Variants in EFHD1 observed in about 807,000 individuals in gnomAD.
The protein encoded by EFHD1 is EF-hand domain-containing protein D1.
A neutral mutation model predicts 17.2 loss-of-function variants in EFHD1; 10 were observed. The ratio of observed to expected loss-of-function variants is 0.58; its 90% CI spans 0.36 to 0.99. The LOEUF (loss-of-function observed/expected upper bound fraction) is 0.99, where lower values mean the gene tolerates loss of function less well. Among genes scored for constraint, EFHD1 ranks in the 50% least tolerant of loss-of-function variants. The probability of loss-of-function intolerance (pLI) is 0.01; values close to 1 mark genes in which losing one functional copy is unlikely to be tolerated. For synonymous variants in EFHD1, 153 were observed against 142.0 expected (o/e 1.08, Z -0.55); for missense variants, 310 against 327.5 (o/e 0.95, Z 0.41).
intron 1 of EFHD1, among the ~76,000 whole-genome samples, chr2:232,655,932 G>A (rs763288875): frequency 3.3e-5 from 5 of 150,682 alleles, no homozygotes; most frequent in Admixed American, 6.7e-5. Context: ...TCAGCTTCCC[G>A]AGTAGCTGGG....
chr2:232,660,361 A>G (rs1382266450), intron 1 of EFHD1, among the ~76,000 whole-genome samples: 2 of 151,446 alleles, frequency 1.3e-5, no homozygotes, highest in East Asian at 3.9e-4. Context: ...CGCCCGGCTC[A>G]TTTTTTGTAT....
chr2:232,619,331 A>G (rs1333220817), intron 1 of EFHD1, among the ~76,000 whole-genome samples: 30 of 140,068 alleles, frequency 2.1e-4, no homozygotes, highest in Admixed American at 1.3e-3. Flanking sequence ...TTTTTTTGAG[A>G]TGAAGTCTCG....
intron 1 of EFHD1, among the ~76,000 whole-genome samples, chr2:232,608,989 TTGAA>T (rs1378960876): frequency 2.0e-5 from 3 of 151,786 alleles, no homozygotes; most frequent in Non-Finnish European, 2.9e-5. Context: ...CACAATACAT[TTGAA>T]TGGATGAATC....
At chr2:232,666,287 C>T (rs1444317689) in intron 2 of EFHD1, among the ~76,000 whole-genome samples, 1 of 152,212 alleles carries the variant, frequency 6.6e-6, no homozygotes, top group Non-Finnish European at 1.5e-5. Flanking sequence ...CTGTGGCCTC[C>T]GTGCCACTTG....
rs550137797 is a variant in EFHD1, at chr2:232,637,642, C to T, written c.302+3636C>T. Among the ~76,000 whole-genome samples, 7 of 152,228 alleles carry T rather than the reference C, an allele frequency of 4.6e-5. 1 individual carries two copies. The South Asian group carries it at 1.5e-3, about 32-fold the overall frequency. ...TACAGGCGTGAGCCACCGCGCCTGGCTTAAGAATTTCACTTTTAAGCAGTT... is the reference window on the plus strand; with the variant it reads ...TACAGGCGTGAGCCACCGCGCCTGGTTTAAGAATTTCACTTTTAAGCAGTT... On this transcript the variant is annotated intron_variant, in intron 1 of 3. Coordinates refer to ENST00000264059, the MANE Select transcript of EFHD1 (RefSeq NM_025202.4).
At chr2:232,628,670 A>G (rs79385064), upstream of EFHD1, among the ~76,000 whole-genome samples, 2 of 152,138 alleles carry the variant, frequency 1.3e-5, no homozygotes, top group Non-Finnish European at 2.9e-5. Context: ...TCAATTCCGC[A>G]GGGATTTGAG....
At chr2:232,653,700 G>A (rs538088797) in intron 1 of EFHD1, among the ~76,000 whole-genome samples, 3 of 152,320 alleles carry the variant, frequency 2.0e-5, no homozygotes, top group South Asian at 2.1e-4. Flanking sequence ...TGAAGGGGGT[G>A]GTTGGCTCAG....
rs2106193128 is a variant in EFHD1 at position 232,633,806 on chromosome 2, G to GGAGCCCAAGCCCGAGCCC, written c.108_125dup (p.Lys37_Pro42dup). 2 of 1,459,710 alleles carry GGAGCCCAAGCCCGAGCCC rather than the reference G, an allele frequency of 1.4e-6. No individual in the cohort carries two copies. Among genetic ancestry groups the GGAGCCCAAGCCCGAGCCC allele is most frequent in the East Asian group, 6.0e-5 (2 of 33,370 alleles). The allele number at this position is 1,459,710 out of a possible 1,614,324, so 90.4% of individuals were successfully genotyped here. A position where few individuals can be genotyped will look rare whatever the true frequency, so the allele number is the denominator to read the frequency against. On this transcript the variant is annotated inframe_insertion, in exon 1 of 4. Transcript: ENST00000264059. ...TGGCTCCCCTCGGCGCCCCAGCCCC[G>GGAGCCCAAGCCCGAGCCC]GAGCCCAAGCCCGAGCCCGAGCCTC...
At chr2:232,672,524 C>T in intron 3 of EFHD1, 81 bp downstream of exon 3, 1 of 1,515,130 alleles carries the variant, frequency 6.6e-7, no homozygotes, top group Non-Finnish European at 8.8e-7. Flanking sequence ...TCATTTTCAT[C>T]TCAGCAGAGC....
chr2:232,610,954 A>G (rs1304488855), intron 1 of EFHD1: 2 of 152,356 alleles, frequency 1.3e-5, no homozygotes, highest in Non-Finnish European at 2.9e-5. Context: ...AGGCGGAAAG[A>G]TCGCTTGAGG....
Position 232,633,891 on chromosome 2 carries a change from C to A in EFHD1, c.187C>A (p.Leu63Met). 2 of 1,560,718 alleles carry A rather than the reference C, an allele frequency of 1.3e-6. No individual in the cohort carries two copies. Among genetic ancestry groups the A allele is most frequent in the Non-Finnish European group, 8.6e-7 (1 of 1,163,888 alleles). ...GCTGAGCGCCCAGCTGAGCCGGCGG[C>A]TGGACATCAACGAGGGCGCTGCGCG... is the stretch of plus-strand genomic sequence containing the variant. The part of the protein sequence containing the change: ...AELSAQLSRR[L>M]DINEGAARPR... The change falls in exon 1 of 4, where the codon CTG becomes ATG. Residue 63 changes from leucine to methionine, a missense_variant. Coordinates refer to ENST00000264059, the MANE Select transcript of EFHD1 (RefSeq NM_025202.4).
At chr2:232,613,201 A>G (rs900641774) in intron 1 of EFHD1, among the ~76,000 whole-genome samples, 1 of 152,090 alleles carries the variant, frequency 6.6e-6, no homozygotes. Flanking sequence ...ACGTGGGTGG[A>G]TCACTTGAGC....
chr2:232,619,691 G>A (rs573502412), intron 1 of EFHD1, among the ~76,000 whole-genome samples: 17 of 152,208 alleles, frequency 1.1e-4, no homozygotes, highest in Admixed American at 2.0e-4. Context: ...TGGTGGTTGC[G>A]CAACACTAGG....
rs569120803 is a variant in EFHD1 at position 232,677,243 on chromosome 2, T to TACACACACACACACACACACACAC, written c.586-4331_586-4330insCACACACACACACACACACACACA. On this transcript the variant is annotated intron_variant, in intron 3 of 3. Transcript: ENST00000264059. ...ACACACACACACACACACACACACG[T>TACACACACACACACACACACACAC]ACACACACACATCTTTCTATAACAC... 1.4e-3 allele frequency among the ~76,000 whole-genome samples: 139 copies of TACACACACACACACACACACACAC among 99,214 alleles called. 1 individual carries two copies. Among genetic ancestry groups the TACACACACACACACACACACACAC allele is most frequent in the East Asian group, 6.2e-3 (21 of 3,406 alleles). 65.1% of individuals were successfully genotyped at this position (99,214 alleles called of 152,430 possible).
chr2:232,640,923 AG>A (rs1694419782), intron 1 of EFHD1, among the ~76,000 whole-genome samples: 1 of 152,198 alleles, frequency 6.6e-6, no homozygotes, highest in Non-Finnish European at 1.5e-5. Context: ...ATGGGGGCTG[AG>A]AACTTGATCT....
At chr2:232,656,309 A>G in intron 1 of EFHD1, among the ~76,000 whole-genome samples, 1 of 151,534 alleles carries the variant, frequency 6.6e-6, no homozygotes. Flanking sequence ...AGCCTCCCTG[A>G]CTCACTGTAG....
intron 1 of EFHD1, among the ~76,000 whole-genome samples, chr2:232,609,115 A>G (rs1252387699): frequency 7.6e-6 from 1 of 132,344 alleles, no homozygotes; most frequent in African/African-American, 3.0e-5. Context: ...GCTGGAGTGA[A>G]GTGGTGCAAT....
intron 1 of EFHD1, among the ~76,000 whole-genome samples, chr2:232,623,928 G>A (rs1385113908): frequency 1.3e-5 from 2 of 152,036 alleles, no homozygotes; most frequent in East Asian, 3.9e-4. Flanking sequence ...ATCGCCCCAG[G>A]GGCCAGAACC....
At chr2:232,681,430 A>G (rs889044266) in intron 3 of EFHD1, among the ~76,000 whole-genome samples, 155 bp from the exon 4 acceptor site, 1 of 152,236 alleles carries the variant, frequency 6.6e-6, no homozygotes, top group African/African-American at 2.4e-5. Context: ...TCTGAAGGCC[A>G]CACGGAAAGA....
Sources: gnomAD v4.1 joint callset for allele counts (sites outside exome capture counted in the v4.1 genomes callset) on GRCh38, gnomAD v4.1.1 for gene constraint, MANE v1.5 for transcripts, NCBI Gene and HGNC (gene_info 2026-07-23, HGNC 2026-07-21) for gene names.